Variants in FCN1 observed in about 807,000 individuals in gnomAD.
FCN1 encodes the protein ficolin-1.
Under a neutral mutation model 35.6 loss-of-function variants are expected in FCN1, and 42 were observed. The observed-to-expected ratio is 1.18, with a 90% CI of 0.92 to 1.53. The LOEUF is 1.53. Among genes scored for constraint, FCN1 ranks in the 40% most tolerant of loss-of-function variants. The pLI, the probability that FCN1 is intolerant of heterozygous loss-of-function variation, is 0.00. For missense variants in FCN1, 439 were observed against 428.4 expected, an observed-to-expected ratio of 1.02 and a Z score of -0.22; for synonymous variants, 179 against 169.8, an observed-to-expected ratio of 1.05 and a Z score of -0.42.
rs543181997 is a variant in FCN1, at chr9:134,916,374, C to T, written c.191G>A (p.Gly64Glu). 3 of 1,614,190 alleles carry T rather than the reference C, an allele frequency of 1.9e-6. No individual in the cohort carries two copies. The African/African-American group carries it at 4.0e-5, about 21-fold the overall frequency. Reference sequence around the variant, plus strand: ...TCTCTCTCCAATGACACCTGCCTCTCCCTTTGGCCCTGGGGCCCCGGGCAG... The same window carrying T: ...TCTCTCTCCAATGACACCTGCCTCTTCCTTTGGCCCTGGGGCCCCGGGCAG... ...PGLPGAPGPK[G>E]EAGVIGERGE... The change falls in exon 2 of 9, where the codon GGA (glycine) becomes GAA (glutamate). Residue 64 changes from glycine to glutamate, a missense_variant. Transcript: ENST00000371806.
At chr9:134,915,921 C>T (rs1316931929) in intron 2 of FCN1, among the ~76,000 whole-genome samples, 1 of 152,218 alleles carries the variant, frequency 6.6e-6, no homozygotes, top group Non-Finnish European at 1.5e-5. Flanking sequence ...AAGTCCCAGC[C>T]CCACTCCTTA....
chr9:134,912,874 TA>T (rs1388026223), intron 6 of FCN1, 141 bp downstream of exon 6: 2 of 1,411,884 alleles, frequency 1.4e-6, no homozygotes, highest in African/African-American at 2.8e-5. Context: ...CCTGGACTTT[TA>T]CCCACGGGTC....
rs1025773268 is a variant in FCN1 at position 134,909,204 on chromosome 9, A to T, written c.*594T>A. 2 of 1,289,478 alleles carry T rather than the reference A, an allele frequency of 1.6e-6. No homozygotes were observed. The highest frequency in any genetic ancestry group is 3.0e-5 in the African/African-American group (2 of 65,832). 79.9% of individuals were successfully genotyped at this position (1,289,478 alleles called of 1,614,324 possible). On this transcript the variant is annotated 3_prime_UTR_variant, in exon 9 of 9. Coordinates refer to ENST00000371806, the MANE Select transcript of FCN1 (RefSeq NM_002003.5). ...GAGTGCTAAGTGTTTATCTCTTCCC[A>T]GCAGCCAGCCAGCCCAAAGCATGAA...
Position 134,904,540 on chromosome 9 carries a change from A to G in FCN1, c.*5258T>C, listed in dbSNP as rs560519398. Reference sequence around the variant, plus strand: ...ACATCTGTAATCCTAGCACTTTGGGAGGCTGAGGCGGGTGGATCACTTGAG... The same window carrying G: ...ACATCTGTAATCCTAGCACTTTGGGGGGCTGAGGCGGGTGGATCACTTGAG... On this transcript the variant is annotated 3_prime_UTR_variant, in exon 9 of 9. Transcript: ENST00000371806. Among the ~76,000 whole-genome samples the G allele has an allele frequency of 7.2e-5, 11 of 152,294 alleles. No homozygotes were observed. The South Asian group carries it at 2.3e-3, about 32-fold the overall frequency.
In FCN1 at chr9:134,904,837, A is replaced by T. The variant is rs1830921511; in HGVS notation, c.*4961T>A. Among the ~76,000 whole-genome samples the T allele has an allele frequency of 6.6e-6, 1 of 152,100 alleles. No homozygotes were observed. Among genetic ancestry groups the T allele is most frequent in the African/African-American group, 2.4e-5 (1 of 41,398 alleles). ...GAGTTTGTCAGGCAGCAAGAAGATG[A>T]TCTCACACCAAAAATAATAATAATA... On this transcript the variant is annotated 3_prime_UTR_variant, in exon 9 of 9. Transcript: ENST00000371806.
chr9:134,909,368 G>T lies in FCN1; in HGVS notation c.*430C>A. 1 of 1,289,870 alleles carries T rather than the reference G, an allele frequency of 7.8e-7. No individual in the cohort carries two copies. Among genetic ancestry groups the T allele is most frequent in the South Asian group, 1.2e-5 (1 of 81,012 alleles). 79.9% of individuals were successfully genotyped at this position (1,289,870 alleles called of 1,614,324 possible). A position where few individuals can be genotyped will look rare whatever the true frequency, so the allele number is the denominator to read the frequency against. ...GCATGGGGGGATGGGGGAGGCTTGG[G>T]GGTGGAGGTGAGGATCGCCCTGTGT... On this transcript the variant is annotated 3_prime_UTR_variant, in exon 9 of 9. Coordinates refer to ENST00000371806, the MANE Select transcript of FCN1 (RefSeq NM_002003.5).
Position 134,916,422 on chromosome 9 carries a change from G to T in FCN1, c.143C>A (p.Thr48Asn), listed in dbSNP as rs1270317029. The T allele has an allele frequency of 1.9e-6, 3 of 1,614,228 alleles. No homozygotes were observed. The highest frequency in any genetic ancestry group is 2.5e-6 in the Non-Finnish European group (3 of 1,180,044). Residue 48 changes from threonine (T) to asparagine (N), a missense_variant, in exon 2 of 9, where the codon ACC becomes AAC. Coordinates refer to ENST00000371806, the MANE Select transcript of FCN1 (RefSeq NM_002003.5). Reference protein sequence around the residue: ...VVGLEGSDKLTILRGCPGLPG... With the variant: ...VVGLEGSDKLNILRGCPGLPG... ...CAGCCCCGGGCAGCCTCGGAGAATG[G>T]TGAGCTTGTCAGAGCCCTCCAGGCC...
rs777694886 is a variant in FCN1, at chr9:134,912,584, T to C, written c.500A>G (p.Asp167Gly). ...GTATGCGGCCCAGTCCCGATAGAAG[T>C]CCACAGAGCCATCCATCCTCCGCTG... is the stretch of plus-strand genomic sequence containing the variant. ...VFQRRMDGSV[D>G]FYRDWAAYKQ... Residue 167 changes from aspartate (D) to glycine (G), a missense_variant, in exon 7 of 9, where the codon GAC (aspartate) becomes GGC (glycine). Coordinates refer to ENST00000371806, the MANE Select transcript of FCN1 (RefSeq NM_002003.5). The C allele has an allele frequency of 1.1e-5, 17 of 1,613,982 alleles. No homozygotes were observed. Among genetic ancestry groups the C allele is most frequent in the Non-Finnish European group, 1.4e-5 (17 of 1,179,956 alleles).
In FCN1 at chr9:134,914,121, G is replaced by A. The variant is rs114693539; in HGVS notation, c.307+264C>T. ...ACAATTTTTGCATAAATGAGCATAA[G>A]TAAGACAGAAATTGAAATATTGAAG... On this transcript the variant is annotated intron_variant, in intron 4 of 8. Transcript: ENST00000371806. Among the ~76,000 whole-genome samples the A allele has an allele frequency of 9.0e-3, 1,374 of 152,324 alleles. 16 individuals are homozygous for A. Among genetic ancestry groups the A allele is most frequent in the African/African-American group, 0.031 (1,277 of 41,566 alleles).
intron 1 of FCN1, among the ~76,000 whole-genome samples, chr9:134,917,271 C>T (rs563387243): frequency 6.6e-6 from 1 of 152,274 alleles, no homozygotes; most frequent in East Asian, 1.9e-4. Flanking sequence ...TCTTGCTGAG[C>T]GTCACAGAAC....
chr9:134,917,904 A>T lies in FCN1; in HGVS notation c.-33T>A. 6.8e-7 allele frequency: 1 copy of T among 1,473,922 alleles called. No homozygotes were observed. Among genetic ancestry groups the T allele is most frequent in the South Asian group, 1.1e-5 (1 of 88,444 alleles). 91.3% of individuals were successfully genotyped at this position (1,473,922 alleles called of 1,614,324 possible). On this transcript the variant is annotated 5_prime_UTR_variant, in exon 1 of 9. Coordinates refer to ENST00000371806, the MANE Select transcript of FCN1 (RefSeq NM_002003.5). ...GGCCTTTGACTCTGAAGAGTCCCCCAGCTCTAACAGGGCAGAGGAAACCAG... is the reference window on the plus strand; with the variant it reads ...GGCCTTTGACTCTGAAGAGTCCCCCTGCTCTAACAGGGCAGAGGAAACCAG...
Position 134,904,377 on chromosome 9 carries a change from C to T in FCN1, c.*5421G>A. On this transcript the variant is annotated 3_prime_UTR_variant, in exon 9 of 9. Transcript: ENST00000371806. ...TACAGTGCTAAAAGAAACTAATTGGCAATATAGAAGTCTACACCCAATCTA... is the reference window on the plus strand; with the variant it reads ...TACAGTGCTAAAAGAAACTAATTGGTAATATAGAAGTCTACACCCAATCTA... Among the ~76,000 whole-genome samples the T allele has an allele frequency of 6.6e-6, 1 of 152,016 alleles. No homozygotes were observed. The highest frequency in any genetic ancestry group is 6.6e-5 in the Admixed American group (1 of 15,264).
At position 134,909,118 on chromosome 9, in the gene FCN1, T is replaced by C. The variant is rs1204210195; in HGVS notation, c.*680A>G. 3.0e-6 allele frequency: 3 copies of C among 1,006,436 alleles called. No individual in the cohort carries two copies. The highest frequency in any genetic ancestry group is 1.7e-5 in the African/African-American group (1 of 59,766). 62.3% of individuals were successfully genotyped at this position (1,006,436 alleles called of 1,614,324 possible). ...GTCCCCTCTAGCTGAGGTCTGTGTG[T>C]GGGAGGAAGGCCTCTTCGGAATCTT... On this transcript the variant is annotated 3_prime_UTR_variant, in exon 9 of 9. Coordinates refer to ENST00000371806, the MANE Select transcript of FCN1 (RefSeq NM_002003.5).
At chr9:134,915,286 C>T (rs1831078359) in intron 2 of FCN1, among the ~76,000 whole-genome samples, 1 of 151,994 alleles carries the variant, frequency 6.6e-6, no homozygotes, top group African/African-American at 2.4e-5. Context: ...TGGGGTGTCA[C>T]ACAGCGCTCC....
intron 7 of FCN1, among the ~76,000 whole-genome samples, chr9:134,911,962 C>T (rs185090313): frequency 2.4e-4 from 36 of 152,310 alleles, no homozygotes; most frequent in African/African-American, 7.7e-4. Flanking sequence ...TTCCTTCAAT[C>T]ATGCCACAGG....
At position 134,909,368 on chromosome 9, in the gene FCN1, G is replaced by A. The variant is rs1312573133; in HGVS notation, c.*430C>T. ...GCATGGGGGGATGGGGGAGGCTTGG[G>A]GGTGGAGGTGAGGATCGCCCTGTGT... On this transcript the variant is annotated 3_prime_UTR_variant, in exon 9 of 9. Transcript: ENST00000371806. The A allele has an allele frequency of 4.7e-6, 6 of 1,289,870 alleles. No homozygotes were observed. The South Asian group carries it at 7.4e-5, about 16-fold the overall frequency. 79.9% of individuals were successfully genotyped at this position (1,289,870 alleles called of 1,614,324 possible).
At chr9:134,913,875 A>T (rs2070621) in intron 4 of FCN1, among the ~76,000 whole-genome samples, 14,840 of 152,142 alleles carry the variant, frequency 0.098, 2,165 homozygotes, top group African/African-American at 0.32. Context: ...TGCTGGACGA[A>T]CTGGACCCCT....
At chr9:134,911,350 T>C in intron 7 of FCN1, 83 bp from the exon 8 acceptor site, 2 of 1,304,608 alleles carry the variant, frequency 1.5e-6, no homozygotes, top group Non-Finnish European at 2.1e-6. Context: ...TAATTTTTTT[T>C]TTTTTTTTTT....
Position 134,909,899 on chromosome 9 carries a change from T to A in FCN1, c.880A>T (p.Met294Leu), listed in dbSNP as rs1416878982. 1.9e-6 allele frequency: 3 copies of A among 1,613,942 alleles called. No homozygotes were observed. The highest frequency in any genetic ancestry group is 2.2e-5 in the East Asian group (1 of 44,868). The stretch of plus-strand genomic sequence containing the variant: ...TTGGCATAGCTCTCATGGGGTCCCA[T>A]GAGGTAGAGACCATTGAGGTTTGAA... Reference protein sequence around the residue: ...HASNLNGLYLMGPHESYANGI... With the variant: ...HASNLNGLYLLGPHESYANGI... Residue 294 changes from methionine (M) to leucine (L), a missense_variant, in exon 9 of 9, where the codon ATG becomes TTG. By Grantham distance (15) the Met-to-Leu change is conservative (BLOSUM62 2). Coordinates refer to ENST00000371806, the MANE Select transcript of FCN1 (RefSeq NM_002003.5).
Sources: gnomAD v4.1 joint callset for allele counts (sites outside exome capture counted in the v4.1 genomes callset) on GRCh38, gnomAD v4.1.1 for gene constraint, MANE v1.5 for transcripts, NCBI Gene and HGNC (gene_info 2026-07-23, HGNC 2026-07-21) for gene names.